The following BMPR1A variants were observed in gnomAD, a reference collection of about 807,000 sequenced individuals.
BMPR1A encodes the protein bone morphogenetic protein receptor type 1A.
Under a neutral mutation model 66.0 loss-of-function variants are expected in BMPR1A, and 7 were observed. The ratio of observed to expected loss-of-function variants is 0.11; its 90% CI spans 0.06 to 0.20. BMPR1A has a LOEUF of 0.20. BMPR1A is among the 10% of genes least tolerant of loss of function. BMPR1A has a pLI of 1.00. For missense variants in BMPR1A, 408 were observed against 669.1 expected (o/e 0.61, Z 4.31); for synonymous variants, 200 against 229.7 (o/e 0.87, Z 1.17).
intron 1 of BMPR1A, among the ~76,000 whole-genome samples, chr10:86,791,683 T>TCCTTCCTTCCTCCCCCCCCCCCCC (rs1283624885): frequency 1.1e-5 from 1 of 89,708 alleles, no homozygotes; most frequent in Non-Finnish European, 2.1e-5. Context: ...CTTCTTTACT[T>TCCTTCCTTCCTCCCCCCCCCCCCC]CCTTCCTCCC....
chr10:86,856,387 C>T (rs183853935), intron 2 of BMPR1A, among the ~76,000 whole-genome samples: 8 of 152,296 alleles, frequency 5.3e-5, no homozygotes, highest in Non-Finnish European at 7.3e-5. Context: ...CAGAGTCTCG[C>T]CCCGAGGCAC....
intron 2 of BMPR1A, among the ~76,000 whole-genome samples, chr10:86,864,614 T>A (rs1263330712): frequency 6.6e-6 from 1 of 152,196 alleles, no homozygotes; most frequent in African/African-American, 2.4e-5. Flanking sequence ...GCCTAGTGTA[T>A]GACAACATAA....
chr10:86,856,508 A>G (rs1842644467), intron 2 of BMPR1A, among the ~76,000 whole-genome samples: 1 of 152,218 alleles, frequency 6.6e-6, no homozygotes, highest in Non-Finnish European at 1.5e-5. Context: ...AAATTAAGGA[A>G]AGTTCCTCAG....
chr10:86,845,315 T>C (rs984981791), intron 2 of BMPR1A, among the ~76,000 whole-genome samples: 1 of 152,196 alleles, frequency 6.6e-6, no homozygotes, highest in Non-Finnish European at 1.5e-5. Context: ...TGTGGGTGTC[T>C]TCTGAATGTA....
At chr10:86,899,055 C>T (rs1438135580) in intron 5 of BMPR1A, among the ~76,000 whole-genome samples, 8 of 152,132 alleles carry the variant, frequency 5.3e-5, no homozygotes, top group African/African-American at 1.2e-4. Flanking sequence ...CCTTAATTTC[C>T]GCTTACATTC....
At chr10:86,793,180 T>C (rs916239452) in intron 1 of BMPR1A, among the ~76,000 whole-genome samples, 2 of 146,944 alleles carry the variant, frequency 1.4e-5, no homozygotes, top group South Asian at 4.3e-4. Flanking sequence ...TGTTTCGGAA[T>C]TTCAGGGCTT....
downstream of BMPR1A, chr10:86,929,809 A>G (rs1292153395): frequency 6.6e-6 from 1 of 152,206 alleles, no homozygotes; most frequent in African/African-American, 2.4e-5. Flanking sequence ...GGTTTCTTTA[A>G]TATTATTAAC....
At chr10:86,810,919 GTA>G (rs1841961317) in intron 1 of BMPR1A, among the ~76,000 whole-genome samples, 1 of 139,158 alleles carries the variant, frequency 7.2e-6, no homozygotes, top group South Asian at 2.2e-4. Context: ...GTGTGTGTGT[GTA>G]TTTTTAGTAG....
intron 7 of BMPR1A, among the ~76,000 whole-genome samples, chr10:86,900,743 A>G (rs2133462106): frequency 6.6e-6 from 1 of 152,340 alleles, no homozygotes. Flanking sequence ...ACAATGGGGT[A>G]CCACAGTTGA....
chr10:86,851,303 T>C (rs1260691855), intron 2 of BMPR1A, among the ~76,000 whole-genome samples: 2 of 152,248 alleles, frequency 1.3e-5, no homozygotes, highest in African/African-American at 4.8e-5. Context: ...TATATTGCCC[T>C]TAGCAAGTTA....
chr10:86,815,555 A>G lies in BMPR1A; in HGVS notation c.-267-23310A>G, dbSNP rs147639671. ...TTTGTTATTTGGCTTGTAGAGGGAC[A>G]TGGAAGAAGCAAATCAGTCTTTACC... On this transcript the variant is annotated intron_variant, in intron 1 of 12. Coordinates refer to ENST00000372037, the MANE Select transcript of BMPR1A (RefSeq NM_004329.3). Among the ~76,000 whole-genome samples the G allele has an allele frequency of 2.8e-3, 427 of 152,326 alleles. 1 individual carries two copies. Among genetic ancestry groups the G allele is most frequent in the Non-Finnish European group, 4.2e-3 (289 of 68,030 alleles).
chr10:86,890,341 C>T (rs1165921952), intron 4 of BMPR1A, 117 bp downstream of exon 4: 3 of 1,267,678 alleles, frequency 2.4e-6, no homozygotes, highest in South Asian at 1.3e-5. Context: ...TAGTATCTTT[C>T]CAGAAAGCCA....
chr10:86,893,205 G>A (rs1259980661), intron 5 of BMPR1A, among the ~76,000 whole-genome samples: 1 of 151,992 alleles, frequency 6.6e-6, no homozygotes, highest in Non-Finnish European at 1.5e-5. Flanking sequence ...AAATGTTAAA[G>A]ATATACTGCA....
chr10:86,881,262 G>T (rs758839249), intron 3 of BMPR1A, among the ~76,000 whole-genome samples: 3 of 151,990 alleles, frequency 2.0e-5, no homozygotes, highest in African/African-American at 4.8e-5. Flanking sequence ...AACAAAACTA[G>T]TTGGTTACTG....
chr10:86,820,445 C>T (rs1842106485), intron 1 of BMPR1A, among the ~76,000 whole-genome samples: 1 of 151,648 alleles, frequency 6.6e-6, no homozygotes, highest in African/African-American at 2.4e-5. Flanking sequence ...GTCTCCACCT[C>T]AAAGATCACT....
At chr10:86,793,456 C>T (rs1221052658) in intron 1 of BMPR1A, among the ~76,000 whole-genome samples, 2 of 151,540 alleles carry the variant, frequency 1.3e-5, no homozygotes, top group Non-Finnish European at 2.9e-5. Flanking sequence ...CTCTGCCTCC[C>T]GGATTCAAGC....
chr10:86,800,392 T>C (rs192815230), intron 1 of BMPR1A, among the ~76,000 whole-genome samples: 1 of 152,256 alleles, frequency 6.6e-6, no homozygotes, highest in Admixed American at 6.5e-5. Context: ...AGGCCATTTT[T>C]GTTTTTGTTT....
At chr10:86,859,370 C>T (rs1178023277) in intron 2 of BMPR1A, among the ~76,000 whole-genome samples, 5 of 151,936 alleles carry the variant, frequency 3.3e-5, no homozygotes, top group Non-Finnish European at 7.4e-5. Context: ...GGTCTCACTA[C>T]ATTGCCCAGG....
intron 5 of BMPR1A, among the ~76,000 whole-genome samples, chr10:86,893,774 C>G (rs1254477764): frequency 6.8e-6 from 1 of 147,122 alleles, no homozygotes; most frequent in Non-Finnish European, 1.5e-5. Context: ...GGCAACAGAG[C>G]GAGACTCTGT....
Sources: gnomAD v4.1 joint callset for allele counts (sites outside exome capture counted in the v4.1 genomes callset) on GRCh38, gnomAD v4.1.1 for gene constraint, MANE v1.5 for transcripts, NCBI Gene and HGNC (gene_info 2026-07-23, HGNC 2026-07-21) for gene names.